Variants in DISC1 observed in about 807,000 individuals in gnomAD.
DISC1 encodes disrupted in schizophrenia 1 protein.
A neutral mutation model predicts 84.5 loss-of-function variants in DISC1; 57 were observed. The observed-to-expected ratio is 0.67, with a 90% confidence interval of 0.55 to 0.84. The LOEUF (loss-of-function observed/expected upper bound fraction) is 0.84, where lower values mean the gene tolerates loss of function less well. DISC1 is among the 40% of genes least tolerant of loss of function. The pLI is 0.00. For missense variants in DISC1, 1,000 were observed against 1,057.8 expected (o/e 0.95, Z 0.76); for synonymous variants, 411 against 415.2 (o/e 0.99, Z 0.12).
chr1:231,682,859 C>T (rs957040078), intron 1 of DISC1, among the ~76,000 whole-genome samples: 2 of 152,200 alleles, frequency 1.3e-5, no homozygotes, highest in African/African-American at 2.4e-5. Context: ...TCCTGTTCCC[C>T]GATCCAATCC....
intron 9 of DISC1, among the ~76,000 whole-genome samples, chr1:231,856,765 T>C (rs7536913): frequency 0.053 from 8,128 of 152,258 alleles, 714 homozygotes; most frequent in African/African-American, 0.18. Flanking sequence ...CTGCTGAACC[T>C]ATCATTGGAA....
intron 3 of DISC1, among the ~76,000 whole-genome samples, chr1:231,732,541 TATCCTTTGTAGAG>T (rs1365268529): frequency 3.3e-5 from 5 of 152,110 alleles, no homozygotes; most frequent in African/African-American, 1.2e-4. Context: ...AAAAGAAAAA[TATCCTTTGTAGAG>T]ATCCTTTGTA....
intron 10 of DISC1, among the ~76,000 whole-genome samples, chr1:232,006,278 A>C (rs1222521239): frequency 6.6e-6 from 1 of 152,234 alleles, no homozygotes; most frequent in Non-Finnish European, 1.5e-5. Flanking sequence ...GAGGGCTCAG[A>C]AGAAGACAGG....
At chr1:231,709,752 TG>T (rs1030335874) in intron 3 of DISC1, among the ~76,000 whole-genome samples, 1 of 152,224 alleles carries the variant, frequency 6.6e-6, no homozygotes, top group African/African-American at 2.4e-5. Context: ...TCCTACTAGC[TG>T]AGCTGTAGCA....
rs143505113 is a variant in DISC1 at position 231,628,929 on chromosome 1, G to A, written c.67+1995G>A. 3.2e-4 allele frequency among the ~76,000 whole-genome samples: 48 copies of A among 152,022 alleles called. No homozygotes were observed. The East Asian group carries it at 6.6e-3, about 21-fold the overall frequency. On this transcript the variant is annotated intron_variant, in intron 1 of 12. Transcript: ENST00000439617. ...GCTAATTTTTTTTTTTAGAGTTGGA[G>A]TCTTGCTATGTTGCTCAGGCTGGTC...
intron 4 of DISC1, among the ~76,000 whole-genome samples, chr1:231,764,630 C>T (rs1161873886): frequency 6.6e-6 from 1 of 152,126 alleles, no homozygotes; most frequent in Non-Finnish European, 1.5e-5. Context: ...CTAAGAGGTC[C>T]TGATGCTGGA....
intron 8 of DISC1, among the ~76,000 whole-genome samples, chr1:231,803,446 T>C (rs2079439816): frequency 1.3e-5 from 2 of 151,872 alleles, no homozygotes; most frequent in South Asian, 4.2e-4. Flanking sequence ...TGACTCAGGG[T>C]CTCATAAGGT....
intron 9 of DISC1, among the ~76,000 whole-genome samples, chr1:231,846,245 C>G (rs1448757102): frequency 6.6e-6 from 1 of 152,120 alleles, no homozygotes; most frequent in Admixed American, 6.5e-5. Context: ...TCAGAAGGAG[C>G]TGGGCATGCA....
chr1:231,885,524 C>T (rs2086620132), intron 9 of DISC1, among the ~76,000 whole-genome samples: 1 of 152,118 alleles, frequency 6.6e-6, no homozygotes, highest in African/African-American at 2.4e-5. Context: ...TCGAAGCAAC[C>T]CAGCCGGGCA....
chr1:231,873,581 G>A (rs1309108341), intron 9 of DISC1, among the ~76,000 whole-genome samples: 1 of 152,230 alleles, frequency 6.6e-6, no homozygotes, highest in African/African-American at 2.4e-5. Context: ...TTTAGGAATT[G>A]TAAGGACAAG....
chr1:231,825,283 C>T (rs1423554380), intron 9 of DISC1, among the ~76,000 whole-genome samples: 4 of 150,378 alleles, frequency 2.7e-5, no homozygotes, highest in African/African-American at 9.7e-5. Context: ...TACCAAATTG[C>T]AACAGGCAGT....
At chr1:231,720,460 T>G (rs1017762061) in intron 3 of DISC1, among the ~76,000 whole-genome samples, 1 of 152,152 alleles carries the variant, frequency 6.6e-6, no homozygotes, top group African/African-American at 2.4e-5. Context: ...TGCCTCAGCC[T>G]CTCAAGAAGC....
At chr1:232,013,944 G>A (rs975067904) in intron 11 of DISC1, among the ~76,000 whole-genome samples, 4 of 152,082 alleles carry the variant, frequency 2.6e-5, no homozygotes, top group Non-Finnish European at 4.4e-5. Flanking sequence ...TGAGAGGGGA[G>A]GGCAAGAGAA....
At chr1:231,910,550 T>G (rs908974165) in intron 9 of DISC1, among the ~76,000 whole-genome samples, 2 of 152,244 alleles carry the variant, frequency 1.3e-5, no homozygotes, top group African/African-American at 2.4e-5. Context: ...CAGTTTGTTA[T>G]GATTTCTGTT....
At chr1:231,974,281 A>G (rs888973765) in intron 10 of DISC1, among the ~76,000 whole-genome samples, 6 of 152,192 alleles carry the variant, frequency 3.9e-5, no homozygotes, top group African/African-American at 1.2e-4. Flanking sequence ...AGCTTGACTG[A>G]AAACAACAAC....
chr1:231,980,811 C>G (rs1197761778), intron 10 of DISC1, among the ~76,000 whole-genome samples: 3 of 152,096 alleles, frequency 2.0e-5, no homozygotes, highest in African/African-American at 7.2e-5. Context: ...TTCCTGGGGT[C>G]CTTTTTTTGA....
intron 2 of DISC1, among the ~76,000 whole-genome samples, 196 bp from the exon 3 acceptor site, chr1:231,701,759 C>CT (rs546506631): frequency 3.8e-4 from 57 of 151,454 alleles, no homozygotes; most frequent in Admixed American, 3.2e-3. Context: ...TCAAATTACA[C>CT]TTTTTCTTTA....
chr1:231,783,187 G>A (rs1389248207), intron 6 of DISC1, among the ~76,000 whole-genome samples: 1 of 152,050 alleles, frequency 6.6e-6, no homozygotes, highest in Non-Finnish European at 1.5e-5. Context: ...TTTGGGGGTG[G>A]GGGAAAGCTC....
At chr1:232,023,027 T>TA (rs1168986303) in intron 11 of DISC1, among the ~76,000 whole-genome samples, 3 of 129,906 alleles carry the variant, frequency 2.3e-5, no homozygotes, top group Middle Eastern at 3.9e-3. Flanking sequence ...TTTTAATCTC[T>TA]AAAAAAACTA....
Sources: gnomAD v4.1 joint callset for allele counts (sites outside exome capture counted in the v4.1 genomes callset) on GRCh38, gnomAD v4.1.1 for gene constraint, MANE v1.5 for transcripts, NCBI Gene and HGNC (gene_info 2026-07-23, HGNC 2026-07-21) for gene names.